Variants in SEPTIN9 observed in about 807,000 individuals in gnomAD.
The protein encoded by SEPTIN9 is septin-9.
In SEPTIN9, 13 loss-of-function variants were observed where a neutral mutation model predicts 56.6. The ratio of observed to expected loss-of-function variants is 0.23; its 90% CI spans 0.15 to 0.37. The LOEUF (loss-of-function observed/expected upper bound fraction) is 0.37. SEPTIN9 is among the 10% of genes least tolerant of loss of function. The pLI is 1.00. For missense variants in SEPTIN9, 650 were observed against 823.1 expected (o/e 0.79, Z 2.57); for synonymous variants, 332 against 334.1 (o/e 0.99, Z 0.07).
rs534670839 is a variant in SEPTIN9 at position 77,425,568 on chromosome 17, G to A, written c.721+22865G>A. On this transcript the variant is annotated intron_variant, in intron 3 of 11. Coordinates refer to ENST00000427177, the MANE Select transcript of SEPTIN9 (RefSeq NM_001113491.2). The surrounding 1 kb of genome is among the most constrained non-coding windows in gnomAD (Gnocchi z 4.2). The stretch of plus-strand genomic sequence containing the variant: ...GCGGGCCTCGCACACCCCCAAGGCC[G>A]CCTGACTTCCAGCCTCCAAGTGGGG... 1.6e-4 allele frequency among the ~76,000 whole-genome samples: 24 copies of A among 152,220 alleles called. No individual in the cohort carries two copies. The highest frequency in any genetic ancestry group is 4.1e-4 in the South Asian group (2 of 4,826).
intron 1 of SEPTIN9, among the ~76,000 whole-genome samples, chr17:77,284,896 G>A (rs899849468): frequency 6.6e-6 from 1 of 152,160 alleles, no homozygotes; most frequent in Non-Finnish European, 1.5e-5. Context: ...CCAAAGTGCT[G>A]TGATTACAGG....
chr17:77,381,888 G>A (rs1156695024), intron 2 of SEPTIN9, among the ~76,000 whole-genome samples: 9 of 152,230 alleles, frequency 5.9e-5, no homozygotes, highest in Non-Finnish European at 1.3e-4. Context: ...TGGGGGTCTA[G>A]GCATGGGCTC....
chr17:77,457,935 C>T (rs2038287234), intron 3 of SEPTIN9, among the ~76,000 whole-genome samples: 1 of 152,232 alleles, frequency 6.6e-6, no homozygotes, highest in Non-Finnish European at 1.5e-5. Context: ...TAACCTAACT[C>T]TGGGCCACGG....
intron 3 of SEPTIN9, among the ~76,000 whole-genome samples, chr17:77,454,816 G>A (rs552287950): frequency 6.6e-5 from 10 of 152,348 alleles, no homozygotes; most frequent in African/African-American, 2.4e-4. Flanking sequence ...TTCTGCAGGC[G>A]CCTGAGCTGC....
chr17:77,482,250 C>T lies in SEPTIN9; in HGVS notation c.828C>T (p.Phe276=), dbSNP rs759752033. ...ASRNEKAPVD[F]GYVGIDSILE... ...GGAACGAGAAGGCCCCGGTGGACTT[C>T]GGCTACGTGGGGATTGACTCCATCC... Residue 276 remains phenylalanine (F), a synonymous_variant, in exon 4 of 12, where the codon TTC becomes TTT. Coordinates refer to ENST00000427177, the MANE Select transcript of SEPTIN9 (RefSeq NM_001113491.2). 5.5e-5 allele frequency: 89 copies of T among 1,612,996 alleles called. No individual in the cohort carries two copies. In the East Asian group the frequency reaches 1.6e-3, roughly 29 times the overall value.
At position 77,492,998 on chromosome 17, in the gene SEPTIN9, G is replaced by A; in HGVS notation, c.1495G>A (p.Val499Met). ...TCCCCAGGAGATGATCCCATTTGCT[G>A]TGGTGGGCAGTGACCACGAGTACCA... is the stretch of plus-strand genomic sequence containing the variant. ...EKFREMIPFA[V>M]VGSDHEYQVN... Residue 499 changes from valine (V) to methionine (M), a missense_variant, in exon 10 of 12, where the codon GTG becomes ATG. By Grantham distance (21) the Val-to-Met change is conservative. Coordinates refer to ENST00000427177, the MANE Select transcript of SEPTIN9 (RefSeq NM_001113491.2). This position sits in a 1 kb window ranked among gnomAD's most constrained non-coding sequence, Gnocchi z 5.4. 2 of 1,567,436 alleles carry A rather than the reference G, an allele frequency of 1.3e-6. No homozygotes were observed. The highest frequency in any genetic ancestry group is 1.2e-5 in the South Asian group (1 of 85,092).
chr17:77,299,057 C>G (rs964885156), intron 1 of SEPTIN9, among the ~76,000 whole-genome samples: 3 of 152,212 alleles, frequency 2.0e-5, no homozygotes, highest in Admixed American at 6.5e-5. Context: ...CAGCCATTGG[C>G]TTCGGATACT....
chr17:77,338,451 C>A (rs1396205934), intron 2 of SEPTIN9, among the ~76,000 whole-genome samples: 1 of 151,738 alleles, frequency 6.6e-6, no homozygotes, highest in Non-Finnish European at 1.5e-5. Flanking sequence ...CAGAGTCTTG[C>A]TCTATTGCCC....
At chr17:77,455,254 CAG>C (rs1231474139) in intron 3 of SEPTIN9, among the ~76,000 whole-genome samples, 13 of 152,290 alleles carry the variant, frequency 8.5e-5, no homozygotes, top group African/African-American at 1.9e-4. Flanking sequence ...GGGTCGGTCT[CAG>C]GGGACTGACG....
rs535636007 is a variant in SEPTIN9 at position 77,326,337 on chromosome 17, G to A, written c.76+19140G>A. On this transcript the variant is annotated intron_variant, in intron 2 of 11. Coordinates refer to ENST00000427177, the MANE Select transcript of SEPTIN9 (RefSeq NM_001113491.2). This position sits in a 1 kb window ranked among gnomAD's most constrained non-coding sequence, Gnocchi z 5.1. ...CAAGTGCAAGACCACATCAGTAAACGTGAAACACAGGAAGTGACAGGTGTG... is the reference window on the plus strand; with the variant it reads ...CAAGTGCAAGACCACATCAGTAAACATGAAACACAGGAAGTGACAGGTGTG... Among the ~76,000 whole-genome samples, 8 of 152,342 alleles carry A rather than the reference G, an allele frequency of 5.3e-5. No individual in the cohort carries two copies. The East Asian group carries it at 7.7e-4, about 15-fold the overall frequency.
intron 3 of SEPTIN9, among the ~76,000 whole-genome samples, chr17:77,458,333 T>C (rs1200081712): frequency 6.6e-6 from 1 of 152,164 alleles, no homozygotes; most frequent in Admixed American, 6.5e-5. Context: ...GACTGTGATT[T>C]GGGAGGCCCC....
intron 4 of SEPTIN9, among the ~76,000 whole-genome samples, chr17:77,486,526 G>A (rs1337746763): frequency 9.3e-6 from 1 of 107,478 alleles, no homozygotes; most frequent in Admixed American, 8.9e-5. Context: ...GTGTGTGCGC[G>A]CACGCGCGCG....
At chr17:77,364,582 A>G (rs1380723090) in intron 2 of SEPTIN9, among the ~76,000 whole-genome samples, 1 of 152,196 alleles carries the variant, frequency 6.6e-6, no homozygotes, top group East Asian at 1.9e-4. Context: ...AGAGATGGTC[A>G]GTGGCAGTGA....
chr17:77,339,880 C>G (rs937525220), intron 2 of SEPTIN9, among the ~76,000 whole-genome samples: 1 of 151,874 alleles, frequency 6.6e-6, no homozygotes, highest in South Asian at 2.1e-4. Context: ...GACTGGAGTG[C>G]AGCAGCGCTA....
At chr17:77,386,979 G>A (rs312834) in intron 2 of SEPTIN9, among the ~76,000 whole-genome samples, 102,998 of 152,118 alleles carry the variant, frequency 0.68, 35,136 homozygotes, top group African/African-American at 0.74. Context: ...TGAAGGTTAA[G>A]CAGAAGAGTG....
intron 3 of SEPTIN9, among the ~76,000 whole-genome samples, chr17:77,457,519 C>T (rs527393511): frequency 6.6e-6 from 1 of 152,278 alleles, no homozygotes; most frequent in South Asian, 2.1e-4. Context: ...GGCAGACACC[C>T]TGAATGAGCC....
At chr17:77,470,698 TCACACACCCATA>T (rs2038960362) in intron 3 of SEPTIN9, 1 of 152,192 alleles carries the variant, frequency 6.6e-6, no homozygotes, top group African/African-American at 2.4e-5. Flanking sequence ...ACTCACCCAT[TCACACACCCATA>T]CACCCATCCA....
intron 2 of SEPTIN9, among the ~76,000 whole-genome samples, chr17:77,391,386 T>C (rs1230262075): frequency 6.6e-6 from 1 of 152,178 alleles, no homozygotes; most frequent in Non-Finnish European, 1.5e-5. Flanking sequence ...CTGGCGTTCC[T>C]TGGCCTGCAG....
chr17:77,385,495 A>G (rs1454889882), intron 2 of SEPTIN9, among the ~76,000 whole-genome samples: 1 of 152,186 alleles, frequency 6.6e-6, no homozygotes, highest in Non-Finnish European at 1.5e-5. Flanking sequence ...CCAGGATTAC[A>G]GGCGTGAGCC....
Sources: allele counts gnomAD v4.1 joint callset (sites outside exome capture counted in the v4.1 genomes callset), GRCh38; gene constraint gnomAD v4.1.1; non-coding constraint Gnocchi (gnomAD v3.1); transcripts MANE v1.5; gene names NCBI Gene and HGNC (gene_info 2026-07-23, HGNC 2026-07-21).